Variants in EVI5 observed in about 807,000 individuals in gnomAD.
The protein encoded by EVI5 is ecotropic viral integration site 5 protein homolog.
In EVI5, 73 loss-of-function variants were observed where a neutral mutation model predicts 112.0. The ratio of observed to expected loss-of-function variants is 0.65; its 90% CI spans 0.54 to 0.79. The LOEUF (loss-of-function observed/expected upper bound fraction) is 0.79, where lower values mean the gene tolerates loss of function less well. EVI5 is among the 30% of genes least tolerant of loss of function. The pLI, the probability that EVI5 is intolerant of heterozygous loss-of-function variation, is 0.00. For missense variants in EVI5, 900 were observed against 968.8 expected (o/e 0.93, Z 0.94); for synonymous variants, 305 against 319.9 (o/e 0.95, Z 0.50).
chr1:92,593,271 A>C (rs1398323063), intron 18 of EVI5, among the ~76,000 whole-genome samples: 1 of 152,228 alleles, frequency 6.6e-6, no homozygotes, highest in Non-Finnish European at 1.5e-5. Context: ...TCAACATAGC[A>C]AATCAATAAA....
intron 18 of EVI5, among the ~76,000 whole-genome samples, chr1:92,590,335 C>T (rs375252132): frequency 4.6e-5 from 7 of 152,186 alleles, no homozygotes; most frequent in South Asian, 2.1e-4. Context: ...GGAGGAAGTT[C>T]GAACCCATGG....
intron 16 of EVI5, among the ~76,000 whole-genome samples, chr1:92,618,882 G>T (rs1382212698): frequency 6.6e-6 from 1 of 152,168 alleles, no homozygotes. Flanking sequence ...AAGATTTATT[G>T]ACTTCATATC....
chr1:92,597,641 A>G (rs1288988466), intron 18 of EVI5, among the ~76,000 whole-genome samples: 3 of 152,252 alleles, frequency 2.0e-5, no homozygotes, highest in Admixed American at 2.0e-4. Context: ...CATTTATTGT[A>G]GAAACAACAT....
intron 1 of EVI5, among the ~76,000 whole-genome samples, chr1:92,779,972 A>C (rs1263389102): frequency 6.6e-6 from 1 of 152,058 alleles, no homozygotes; most frequent in African/African-American, 2.4e-5. Flanking sequence ...TTTTCTAGAA[A>C]CTCTGACCTG....
At chr1:92,772,471 C>G (rs1683555185) in intron 1 of EVI5, among the ~76,000 whole-genome samples, 1 of 151,924 alleles carries the variant, frequency 6.6e-6, no homozygotes, top group Non-Finnish European at 1.5e-5. Context: ...TGGCGGGTGC[C>G]TGTAATTTCT....
intron 1 of EVI5, among the ~76,000 whole-genome samples, chr1:92,759,685 A>G (rs1418200837): frequency 6.6e-6 from 1 of 152,302 alleles, no homozygotes; most frequent in Non-Finnish European, 1.5e-5. Flanking sequence ...TATTCTATAT[A>G]TATCATATAG....
intron 18 of EVI5, among the ~76,000 whole-genome samples, chr1:92,591,550 A>G (rs1192380177): frequency 6.6e-6 from 1 of 152,228 alleles, no homozygotes; most frequent in Non-Finnish European, 1.5e-5. Context: ...TCAATTCAAC[A>G]AGAAGACCTA....
chr1:92,557,552 G>A (rs1667870403), intron 19 of EVI5, among the ~76,000 whole-genome samples: 1 of 152,042 alleles, frequency 6.6e-6, no homozygotes, highest in Admixed American at 6.6e-5. Context: ...GCCTGCCGCA[G>A]CCTCTCAGAG....
chr1:92,743,050 T>G lies in EVI5; in HGVS notation c.-81-6423A>C, dbSNP rs567023456. Among the ~76,000 whole-genome samples the G allele has an allele frequency of 1.7e-3, 253 of 152,306 alleles. 3 individuals carry two copies. Among genetic ancestry groups the G allele is most frequent in the South Asian group, 1.0e-3 (5 of 4,826 alleles). On this transcript the variant is annotated intron_variant, in intron 1 of 19. Coordinates refer to ENST00000684568, the MANE Select transcript of EVI5 (RefSeq NM_001350197.2). ...CTATCTCTATACAATGGACTATTAT[T>G]CAGCCTTAAAAAGGAAGGAGGGCCA...
At chr1:92,739,975 TA>T (rs11324383) in intron 1 of EVI5, among the ~76,000 whole-genome samples, 87,972 of 143,928 alleles carry the variant, frequency 0.61, 27,158 homozygotes, top group East Asian at 0.91. Flanking sequence ...AAGTTACCTT[TA>T]AAAAAAAAAA....
At chr1:92,531,667 A>T (rs901889350) in intron 19 of EVI5, among the ~76,000 whole-genome samples, 1 of 152,232 alleles carries the variant, frequency 6.6e-6, no homozygotes, top group African/African-American at 2.4e-5. Flanking sequence ...TTCAACCCAG[A>T]ATTTCACATC....
At chr1:92,740,389 T>C (rs1035384073) in intron 1 of EVI5, among the ~76,000 whole-genome samples, 10 of 152,306 alleles carry the variant, frequency 6.6e-5, no homozygotes, top group African/African-American at 2.2e-4. Flanking sequence ...TTCTCCAAAG[T>C]ACCTGCTGTT....
At chr1:92,649,658 A>C (rs1661723463) in intron 13 of EVI5, among the ~76,000 whole-genome samples, 1 of 152,152 alleles carries the variant, frequency 6.6e-6, no homozygotes. Flanking sequence ...ATTAAAAAAT[A>C]TGGAAATTAG....
chr1:92,607,523 CA>C (rs139549718), intron 17 of EVI5, 57 bp downstream of exon 17: 12,457 of 1,205,864 alleles, frequency 0.01, 234 homozygotes, highest in African/African-American at 0.076. Flanking sequence ...ATAAAACAAA[CA>C]AAAAAAAGGC....
At chr1:92,788,835 A>G (rs964626566), upstream of EVI5, among the ~76,000 whole-genome samples, 1 of 152,154 alleles carries the variant, frequency 6.6e-6, no homozygotes, top group African/African-American at 2.4e-5. Context: ...TAAAAATTAA[A>G]TAAAATTTTA....
chr1:92,631,342 C>A lies in EVI5; in HGVS notation c.1527+4860G>T, dbSNP rs571274773. Among the ~76,000 whole-genome samples, 10 of 152,208 alleles carry A rather than the reference C, an allele frequency of 6.6e-5. No homozygotes were observed. The East Asian group carries it at 1.5e-3, about 24-fold the overall frequency. The stretch of plus-strand genomic sequence containing the variant: ...GAATGTTATTCCATCTCTTTGTATC[C>A]TCTTTTATTTCATTGAGCAGTGGTT... On this transcript the variant is annotated intron_variant, in intron 14 of 19. Transcript: ENST00000684568.
intron 10 of EVI5, among the ~76,000 whole-genome samples, chr1:92,674,173 C>T (rs1020540470): frequency 2.1e-4 from 32 of 152,146 alleles, no homozygotes; most frequent in African/African-American, 7.5e-4. Context: ...TACAGCAAGG[C>T]TCAATTAATA....
chr1:92,672,000 C>A (rs540013328), intron 10 of EVI5, among the ~76,000 whole-genome samples: 14 of 151,916 alleles, frequency 9.2e-5, no homozygotes, highest in African/African-American at 3.4e-4. Context: ...AGACAGGGGC[C>A]CACTATGTTG....
intron 19 of EVI5, among the ~76,000 whole-genome samples, chr1:92,551,620 T>C (rs1243110510): frequency 6.6e-6 from 1 of 152,212 alleles, no homozygotes; most frequent in African/African-American, 2.4e-5. Flanking sequence ...ACAGTCATGC[T>C]AAAAGTTTAG....
Sources: allele counts gnomAD v4.1 joint callset (sites outside exome capture counted in the v4.1 genomes callset), GRCh38; gene constraint gnomAD v4.1.1; transcripts MANE v1.5; gene names NCBI Gene and HGNC (gene_info 2026-07-23, HGNC 2026-07-21).